The following SALL1 variants were observed in gnomAD, a reference collection of about 807,000 sequenced individuals.
The protein encoded by SALL1 is spalt like transcription factor 1.
A neutral mutation model predicts 73.1 loss-of-function variants in SALL1; 10 were observed. The observed-to-expected ratio is 0.14, with a 90% CI of 0.08 to 0.23. The LOEUF (loss-of-function observed/expected upper bound fraction) is 0.23, where lower values mean the gene tolerates loss of function less well. Ranked by LOEUF, SALL1 falls within the 10% of genes least tolerant of loss-of-function variation. SALL1 has a pLI of 1.00. For synonymous variants in SALL1, 688 were observed against 689.8 expected, an observed-to-expected ratio of 1.00 and a Z score of 0.04; for missense variants, 1,520 against 1,697.3, an observed-to-expected ratio of 0.90 and a Z score of 1.84.
rs1190121003 is a variant in SALL1, at chr16:51,139,748, G to A, written c.2474C>T (p.Ser825Phe). Residue 825 changes from serine to phenylalanine, a missense_variant, in exon 2 of 3, where the codon TCT becomes TTT. Coordinates refer to ENST00000251020, the MANE Select transcript of SALL1 (RefSeq NM_002968.3). Reference protein sequence around the residue: ...EKNFDDLDNFSDENMEDCPEG... With the variant: ...EKNFDDLDNFFDENMEDCPEG... Reference sequence around the variant, plus strand: ...AGGACAGTCTTCCATGTTTTCATCAGAGAAGTTGTCTAGGTCATCAAAATT... The same window carrying A: ...AGGACAGTCTTCCATGTTTTCATCAAAGAAGTTGTCTAGGTCATCAAAATT... The A allele has an allele frequency of 1.9e-6, 3 of 1,614,110 alleles. No individual in the cohort carries two copies. Among genetic ancestry groups the A allele is most frequent in the Non-Finnish European group, 2.5e-6 (3 of 1,180,050 alleles).
upstream of SALL1, among the ~76,000 whole-genome samples, chr16:51,151,609 G>A (rs1464753434): frequency 1.3e-5 from 2 of 151,486 alleles, no homozygotes; most frequent in Admixed American, 1.3e-4. Context: ...CCGACACTGG[G>A]TTAACCCTCT....
Position 51,141,204 on chromosome 16 carries a change from T to G in SALL1, c.1018A>C (p.Asn340His). 2 of 1,614,164 alleles carry G rather than the reference T, an allele frequency of 1.2e-6. No homozygotes were observed. The highest frequency in any genetic ancestry group is 1.6e-4 in the Middle Eastern group (1 of 6,062). The change falls in exon 2 of 3, where the codon AAT becomes CAT. Residue 340 changes from asparagine (N) to histidine (H), a missense_variant. Asn to His is a moderately conservative substitution (Grantham distance 68, BLOSUM62 1). This residue lies in a region of SALL1 where 540 missense variants were observed against 567.5 expected (regional missense o/e 0.95). Coordinates refer to ENST00000251020, the MANE Select transcript of SALL1 (RefSeq NM_002968.3). The surrounding 1 kb of genome is among the most constrained non-coding windows in gnomAD (Gnocchi z 5.4). ...ACTGCCGCTGCCAATATGTTCATAT[T>G]GGGAGAAGAGCCGCTGTTGGATGGA... Reference protein sequence around the residue: ...IIPSNSGSSPNMNILAAAVTT... With the variant: ...IIPSNSGSSPHMNILAAAVTT...
At chr16:51,149,440 G>C (rs1010537535) in intron 1 of SALL1, 1 of 152,160 alleles carries the variant, frequency 6.6e-6, no homozygotes, top group African/African-American at 2.4e-5. Context: ...AAGAAACTAA[G>C]CTGAGAAAAC....
At position 51,136,946 on chromosome 16, in the gene SALL1, A is replaced by G. The variant is rs1384169337; in HGVS notation, c.*166T>C. On this transcript the variant is annotated 3_prime_UTR_variant, in exon 3 of 3. Coordinates refer to ENST00000251020, the MANE Select transcript of SALL1 (RefSeq NM_002968.3). The stretch of plus-strand genomic sequence containing the variant: ...TCGCTAATAAATAAGCTTTCTTAGA[A>G]CTCTAAAGTTGAACAAGGTACAAAA... The G allele has an allele frequency of 3.1e-6, 2 of 644,698 alleles. No individual in the cohort carries two copies. The highest frequency in any genetic ancestry group is 5.1e-5 in the Admixed American group (2 of 39,528). The allele number at this position is 644,698 out of a possible 1,614,324, so 39.9% of individuals were successfully genotyped here.
upstream of SALL1, among the ~76,000 whole-genome samples, chr16:51,151,661 G>T (rs542479751): frequency 8.6e-5 from 13 of 151,222 alleles, no homozygotes; most frequent in South Asian, 2.7e-3. Flanking sequence ...GCCGGGGGCC[G>T]GCCTCCTCTC....
intron 1 of SALL1, among the ~76,000 whole-genome samples, chr16:51,145,751 G>A (rs1962506585): frequency 6.6e-6 from 1 of 152,134 alleles, no homozygotes; most frequent in Admixed American, 6.5e-5. Flanking sequence ...GAAAGGTTTA[G>A]CCAGCCAGGA....
At chr16:51,151,754 A>AC (rs1324275365), upstream of SALL1, among the ~76,000 whole-genome samples, 1 of 124,742 alleles carries the variant, frequency 8.0e-6, no homozygotes, top group African/African-American at 3.2e-5. Context: ...GCCCCCCCCC[A>AC]CAATCCCGGG....
At chr16:51,138,665 A>G in intron 2 of SALL1, 23 bp downstream of exon 2, 2 of 1,600,436 alleles carry the variant, frequency 1.2e-6, no homozygotes, top group African/African-American at 1.3e-5. Context: ...TGGAGCAGGT[A>G]TGGTGCAGAG....
At chr16:51,138,633 A>AATGGC (rs1228114827) in intron 2 of SALL1, 55 bp downstream of exon 2, 15 of 1,570,308 alleles carry the variant, frequency 9.6e-6, no homozygotes, top group Non-Finnish European at 1.3e-5. Context: ...ATAGATAATC[A>AATGGC]ATGGCAGTGG....
chr16:51,143,058 TG>T (rs1299186221), intron 1 of SALL1: 1 of 155,908 alleles, frequency 6.4e-6, no homozygotes, highest in Non-Finnish European at 1.4e-5. Flanking sequence ...TCAAGAAGGA[TG>T]TGCAGTTGAG....
intron 1 of SALL1, among the ~76,000 whole-genome samples, chr16:51,145,206 T>TCA (rs1297181256): frequency 2.4e-5 from 2 of 83,318 alleles, no homozygotes; most frequent in Non-Finnish European, 5.1e-5. Context: ...ATTCTCTCTC[T>TCA]CACACACACA....
chr16:51,143,798 A>C (rs1962478057), intron 1 of SALL1, among the ~76,000 whole-genome samples: 1 of 152,182 alleles, frequency 6.6e-6, no homozygotes, highest in African/African-American at 2.4e-5. Flanking sequence ...CACTTTATTC[A>C]CTGGGAGTGT....
chr16:51,151,093 G>T (rs1205942427), intron 1 of SALL1, 73 bp downstream of exon 1: 2 of 1,117,384 alleles, frequency 1.8e-6, no homozygotes, highest in Non-Finnish European at 2.5e-6. Context: ...GGCCAGCCGC[G>T]TGTGAGTGGG....
rs1333142713 is a variant in SALL1 at position 51,140,241 on chromosome 16, G to A, written c.1981C>T (p.Pro661Ser). The A allele has an allele frequency of 1.9e-6, 3 of 1,614,090 alleles. No individual in the cohort carries two copies. In the African/African-American group the frequency reaches 4.0e-5, roughly 22 times the overall value. The stretch of plus-strand genomic sequence containing the variant: ...TGCTCGGACATGAGCGGCAACAAAG[G>A]GTTGGTGAAGGTGGTGGCACTGCCC... ...PAGSATTFTN[P>S]LLPLMSEQFK... is the part of the protein sequence containing the mutation. The change falls in exon 2 of 3, where the codon CCT becomes TCT. Residue 661 changes from proline (P) to serine (S), a missense_variant. Coordinates refer to ENST00000251020, the MANE Select transcript of SALL1 (RefSeq NM_002968.3). The surrounding 1 kb of genome is among the most constrained non-coding windows in gnomAD (Gnocchi z 5.7).
intron 1 of SALL1, among the ~76,000 whole-genome samples, chr16:51,148,276 G>A (rs1962547282): frequency 1.3e-5 from 2 of 152,202 alleles, no homozygotes. Context: ...AGCCCTAGCT[G>A]CTTTCAGCTT....
Position 51,139,991 on chromosome 16 carries a change from G to A in SALL1, c.2231C>T (p.Thr744Ile). 1.2e-6 allele frequency: 2 copies of A among 1,614,214 alleles called. No individual in the cohort carries two copies. The highest frequency in any genetic ancestry group is 1.7e-6 in the Non-Finnish European group (2 of 1,180,048). Reference sequence around the variant, plus strand: ...GTGGGTTTTAAGATTCCCTTTCGTGGTGAAAGCCCGGCCACAGATCTTACA... The same window carrying A: ...GTGGGTTTTAAGATTCCCTTTCGTGATGAAAGCCCGGCCACAGATCTTACA... Reference protein sequence around the residue: ...FKCKICGRAFTTKGNLKTHYS... With the variant: ...FKCKICGRAFITKGNLKTHYS... The change falls in exon 2 of 3, where the codon ACC becomes ATC. Residue 744 changes from threonine (T) to isoleucine (I), a missense_variant. This residue lies in a region of SALL1 where 77 missense variants were observed against 117.2 expected (regional missense o/e 0.66). Transcript: ENST00000251020.
At chr16:51,147,412 A>G (rs1962533965) in intron 1 of SALL1, among the ~76,000 whole-genome samples, 1 of 152,200 alleles carries the variant, frequency 6.6e-6, no homozygotes, top group Admixed American at 6.5e-5. Context: ...CTGATTAAAC[A>G]TGAATTCTTT....
At position 51,140,802 on chromosome 16, in the gene SALL1, C is replaced by T; in HGVS notation, c.1420G>A (p.Glu474Lys). ...LQIHLRSHTGERPFKCNICGN... is the reference protein window; with the variant it reads ...LQIHLRSHTGKRPFKCNICGN... ...CAGATGTTGCACTTGAATGGCCTCT[C>T]TCCGGTATGGGAACGCAAGTGGATC... The change falls in exon 2 of 3, where the codon GAG becomes AAG. Residue 474 changes from glutamate to lysine, a missense_variant. Glu to Lys is a moderately conservative substitution (Grantham distance 56). Transcript: ENST00000251020. This position sits in a 1 kb window ranked among gnomAD's most constrained non-coding sequence, Gnocchi z 5.7. The T allele has an allele frequency of 1.2e-6, 2 of 1,614,220 alleles. No homozygotes were observed. The highest frequency in any genetic ancestry group is 1.7e-6 in the Non-Finnish European group (2 of 1,180,034).
rs1962384938 is a variant in SALL1 at position 51,139,870 on chromosome 16, G to A, written c.2352C>T (p.His784=). 1 of 1,614,246 alleles carries A rather than the reference G, an allele frequency of 6.2e-7. No individual in the cohort carries two copies. Among genetic ancestry groups the A allele is most frequent in the South Asian group, 1.1e-5 (1 of 91,086 alleles). ...TCTGGCCTCCCATATGCATTCGGAT[G>A]TGCTGCTGCAGGACCACAGCGTTCG... The part of the protein sequence containing the change: ...KFTNAVVLQQ[H]IRMHMGGQIP... The change falls in exon 2 of 3, where the codon CAC becomes CAT. Residue 784 remains histidine, a synonymous_variant. Coordinates refer to ENST00000251020, the MANE Select transcript of SALL1 (RefSeq NM_002968.3).
Sources: allele counts gnomAD v4.1 joint callset (sites outside exome capture counted in the v4.1 genomes callset), GRCh38; gene constraint gnomAD v4.1.1; regional missense constraint gnomAD v4.1.1; non-coding constraint Gnocchi (gnomAD v3.1); transcripts MANE v1.5; gene names NCBI Gene and HGNC (gene_info 2026-07-23, HGNC 2026-07-21).